FAM169A: variants seen among roughly 807,000 people sequenced by gnomAD.
FAM169A encodes the protein family with sequence similarity 169 member A.
In FAM169A, 24 loss-of-function variants were observed where a neutral mutation model predicts 75.7. The observed-to-expected ratio is 0.32, with a 90% confidence interval of 0.23 to 0.45. FAM169A has a LOEUF of 0.45. Among genes scored for constraint, FAM169A ranks in the 20% least tolerant of loss-of-function variants. FAM169A has a pLI of 1.00. For missense variants in FAM169A, 673 were observed against 784.0 expected (o/e 0.86, Z 1.69); for synonymous variants, 271 against 271.0 (o/e 1.00, Z 0.00).
At chr5:74,818,803 C>A (rs56061206) in intron 5 of FAM169A, among the ~76,000 whole-genome samples, 24,341 of 120,320 alleles carry the variant, frequency 0.2, 2,667 homozygotes, top group African/African-American at 0.33. Context: ...CTCTCTCTCT[C>A]TATATATATA....
chr5:74,823,001 G>A (rs1747839276), intron 5 of FAM169A, among the ~76,000 whole-genome samples: 1 of 152,120 alleles, frequency 6.6e-6, no homozygotes, highest in South Asian at 2.1e-4. Flanking sequence ...TGCTTTCCTA[G>A]TTCTGGTCCT....
intron 2 of FAM169A, among the ~76,000 whole-genome samples, chr5:74,840,992 G>A (rs1408885669): frequency 6.6e-6 from 1 of 151,966 alleles, no homozygotes; most frequent in Non-Finnish European, 1.5e-5. Flanking sequence ...TTGGTGCTGG[G>A]GAAGACTTTA....
chr5:74,801,491 C>G, intron 9 of FAM169A, 99 bp downstream of exon 9: 1 of 954,706 alleles, frequency 1.0e-6, no homozygotes, highest in Non-Finnish European at 1.7e-6. Flanking sequence ...TTCACTTTCT[C>G]AGGGTGACAC....
chr5:74,784,885 C>A (rs1395846136), intron 11 of FAM169A, among the ~76,000 whole-genome samples: 2 of 141,186 alleles, frequency 1.4e-5, no homozygotes, highest in Non-Finnish European at 3.0e-5. Context: ...CGCCACTGCA[C>A]TCCAGCCTGA....
rs773260461 is a variant in FAM169A at position 74,796,081 on chromosome 5, T to C, written c.1209A>G (p.Ala403=). 4.3e-6 allele frequency: 7 copies of C among 1,614,192 alleles called. No homozygotes were observed. In the East Asian group the frequency reaches 1.6e-4, roughly 36 times the overall value. The change falls in exon 11 of 13, where the codon GCA becomes GCG. Residue 403 remains alanine (A), a synonymous_variant. Coordinates refer to ENST00000687041, the MANE Select transcript of FAM169A (RefSeq NM_001376049.1). ...EFEDESSDRD[A]RPALETQPQQ... is the part of the protein sequence containing the mutation. ...GTGGCTGGGTTTCCAGTGCTGGCCG[T>C]GCATCTCTATCACTGCTTTCATCCT...
intron 1 of FAM169A, among the ~76,000 whole-genome samples, chr5:74,844,401 G>A (rs73120628): frequency 0.015 from 2,284 of 151,974 alleles, 58 homozygotes; most frequent in African/African-American, 0.052. Context: ...GTTCAATGAC[G>A]CAGTGAGGTA....
chr5:74,781,613 C>T lies in FAM169A; in HGVS notation c.1860G>A (p.Glu620=), dbSNP rs920641409. 49 of 1,614,052 alleles carry T rather than the reference C, an allele frequency of 3.0e-5. No homozygotes were observed. Among genetic ancestry groups the T allele is most frequent in the Non-Finnish European group, 4.1e-5 (48 of 1,180,026 alleles). Residue 620 remains glutamate (E), a synonymous_variant, in exon 13 of 13, where the codon GAG becomes GAA. Coordinates refer to ENST00000687041, the MANE Select transcript of FAM169A (RefSeq NM_001376049.1). Reference sequence around the variant, plus strand: ...CCGATTGTGTAAACTGATCCAGTTGCTCGGAAGATGCTTCAGACTGCTCCT... The same window carrying T: ...CCGATTGTGTAAACTGATCCAGTTGTTCGGAAGATGCTTCAGACTGCTCCT... ...QSEEQSEASS[E]QLDQFTQSAE...
rs1469268865 is a variant in FAM169A at position 74,824,652 on chromosome 5, TAA to T, written c.490+9772_490+9773del. Among the ~76,000 whole-genome samples, 11 of 151,450 alleles carry T rather than the reference TAA, an allele frequency of 7.3e-5. No individual in the cohort carries two copies. The East Asian group carries it at 2.1e-3, about 29-fold the overall frequency. On this transcript the variant is annotated intron_variant, in intron 5 of 12. Transcript: ENST00000687041. The stretch of plus-strand genomic sequence containing the variant: ...CATTGTTTAGAATACAATAGTCATA[TAA>T]GACTTAAGAAAAAAAAAAAGCAGCT...
chr5:74,799,120 G>T, intron 10 of FAM169A: 2 of 995,736 alleles, frequency 2.0e-6, no homozygotes, highest in Non-Finnish European at 3.2e-6. Context: ...GCGCCAGTGT[G>T]TGAAAGCTCA....
intron 1 of FAM169A, among the ~76,000 whole-genome samples, chr5:74,851,453 T>C (rs1419397174): frequency 1.3e-5 from 2 of 152,200 alleles, no homozygotes; most frequent in South Asian, 2.1e-4. Context: ...ACAAAATACA[T>C]ACTGAATTAC....
chr5:74,865,327 C>A (rs1221026586), intron 1 of FAM169A: 1 of 152,166 alleles, frequency 6.6e-6, no homozygotes, highest in African/African-American at 2.4e-5. Context: ...AACCCGTACA[C>A]ACGTTTTAAT....
intron 6 of FAM169A, among the ~76,000 whole-genome samples, chr5:74,805,808 A>G (rs1431134263): frequency 6.6e-6 from 1 of 152,030 alleles, no homozygotes; most frequent in Non-Finnish European, 1.5e-5. Flanking sequence ...TAAAAATACC[A>G]GTTCTCATCA....
chr5:74,799,388 G>A (rs1413412307), intron 10 of FAM169A: 1 of 1,612,862 alleles, frequency 6.2e-7, no homozygotes, highest in Non-Finnish European at 8.5e-7. Context: ...AATGACTGGT[G>A]GGTGAGCAAG....
chr5:74,804,353 C>T (rs1746741909), intron 8 of FAM169A, 140 bp downstream of exon 8: 4 of 399,424 alleles, frequency 1.0e-5, no homozygotes. Context: ...ACAGAAGATG[C>T]CAGGAAAACT....
chr5:74,860,578 G>T (rs184105638), intron 1 of FAM169A, among the ~76,000 whole-genome samples: 1 of 152,122 alleles, frequency 6.6e-6, no homozygotes, highest in African/African-American at 2.4e-5. Context: ...TGACACTCAG[G>T]ACAATCTGAC....
At chr5:74,847,708 C>T (rs551495538) in intron 1 of FAM169A, among the ~76,000 whole-genome samples, 1 of 152,154 alleles carries the variant, frequency 6.6e-6, no homozygotes, top group Non-Finnish European at 1.5e-5. Flanking sequence ...TATACAAAAA[C>T]ACACTACTAC....
rs937650325 is a variant in FAM169A at position 74,778,638 on chromosome 5, G to A, written c.*2822C>T. The A allele has an allele frequency of 1.3e-5, 2 of 152,004 alleles. No individual in the cohort carries two copies. The highest frequency in any genetic ancestry group is 2.9e-5 in the Non-Finnish European group (2 of 67,910). 9.4% of individuals were successfully genotyped at this position (152,004 alleles called of 1,614,324 possible). On this transcript the variant is annotated 3_prime_UTR_variant, in exon 13 of 13. Transcript: ENST00000687041. ...GACCCTCTCACCTTTAAAAGTTGTA[G>A]AGGAGCTTTATAATAAATTCTTAAA...
intron 7 of FAM169A, 25 bp from the exon 8 acceptor site, chr5:74,804,630 CTG>C (rs764253449): frequency 5.4e-6 from 7 of 1,304,494 alleles, no homozygotes; most frequent in Non-Finnish European, 7.7e-6. Context: ...ATTTTAAAAA[CTG>C]TAACCGAATC....
chr5:74,852,714 G>T (rs1336412592), intron 1 of FAM169A, among the ~76,000 whole-genome samples: 1 of 151,838 alleles, frequency 6.6e-6, no homozygotes, highest in African/African-American at 2.4e-5. Context: ...AATGGTGGTG[G>T]AAGTACTAGG....
Sources: gnomAD v4.1 joint callset for allele counts (sites outside exome capture counted in the v4.1 genomes callset) on GRCh38, gnomAD v4.1.1 for gene constraint, MANE v1.5 for transcripts, NCBI Gene and HGNC (gene_info 2026-07-23, HGNC 2026-07-21) for gene names.